ZNF695: variants seen among roughly 807,000 people sequenced by gnomAD.
ZNF695 encodes the protein zinc finger protein SBZF3.
Under a neutral mutation model 11.2 loss-of-function variants are expected in ZNF695, and 11 were observed. That is an observed-to-expected ratio of 0.98 (90% confidence interval 0.62 to 1.62). ZNF695 has a LOEUF of 1.62. Among genes scored for constraint, ZNF695 ranks in the 40% most tolerant of loss-of-function variants. The pLI is 0.00. For synonymous variants in ZNF695, 190 were observed against 201.4 expected, an observed-to-expected ratio of 0.94 and a Z score of 0.48; for missense variants, 559 against 590.5, an observed-to-expected ratio of 0.95 and a Z score of 0.55.
chr1:246,987,748 G>C lies in ZNF695; in HGVS notation c.767C>G (p.Ala256Gly), dbSNP rs774901103. The C allele has an allele frequency of 1.3e-6, 2 of 1,589,326 alleles. No individual in the cohort carries two copies. ...NNIFKSCSSL[A>G]VVEKNHTEKK... ...TTCAGTATGATTTTTCTCAACAACAGCAAGACTTGAGCAAGACTTAAAAAT... is the reference window on the plus strand; with the variant it reads ...TTCAGTATGATTTTTCTCAACAACACCAAGACTTGAGCAAGACTTAAAAAT... The change falls in exon 4 of 4, where the codon GCT (alanine) becomes GGT (glycine). Residue 256 changes from alanine to glycine, a missense_variant. Ala to Gly is a moderately conservative substitution (Grantham distance 60). Coordinates refer to ENST00000339986, the MANE Select transcript of ZNF695 (RefSeq NM_020394.5).
Position 246,976,534 on chromosome 1 carries a change from C to G in ZNF695, c.391-8742G>C, listed in dbSNP as rs559591836. Among the ~76,000 whole-genome samples the G allele has an allele frequency of 2.3e-3, 352 of 152,142 alleles. 5 individuals are homozygous for G. In the Middle Eastern group the frequency reaches 0.027, roughly 12 times the overall value. On this transcript the variant is annotated intron_variant, in intron 4 of 5. Coordinates refer to the ZNF695 transcript ENST00000487338. ...CACTGGCCGGGCGCGGTGGCTCACA[C>G]CTGTAATCCCAGCACTTTGGGAGGC...
chr1:246,992,183 A>G (rs1669062212), intron 3 of ZNF695, among the ~76,000 whole-genome samples: 1 of 152,046 alleles, frequency 6.6e-6, no homozygotes, highest in South Asian at 2.1e-4. Flanking sequence ...AAGAAAATGT[A>G]CTACTTATAG....
chr1:246,946,862 C>G (rs954421445), intron 5 of ZNF695, among the ~76,000 whole-genome samples: 1 of 152,216 alleles, frequency 6.6e-6, no homozygotes, highest in African/African-American at 2.4e-5. Flanking sequence ...AAAGAGTAGG[C>G]TGTGCGCGGT....
rs1156979474 is a variant in ZNF695 at position 246,986,317 on chromosome 1, C to T, written c.*650G>A. ...TCCTGGGCTCAAGCAATCCCCCGAC[C>T]TCGGCATCCAAAAGTGCAGCAACTA... On this transcript the variant is annotated 3_prime_UTR_variant, in exon 4 of 4. Transcript: ENST00000339986. 1 of 953,284 alleles carries T rather than the reference C, an allele frequency of 1.0e-6. No homozygotes were observed. The highest frequency in any genetic ancestry group is 1.8e-5 in the African/African-American group (1 of 56,560). The allele number at this position is 953,284 out of a possible 1,614,324, so 59.1% of individuals were successfully genotyped here. A position where few individuals can be genotyped will look rare whatever the true frequency, so the allele number is the denominator to read the frequency against.
chr1:246,955,081 G>C (rs1667954511), intron 5 of ZNF695, among the ~76,000 whole-genome samples: 1 of 152,148 alleles, frequency 6.6e-6, no homozygotes, highest in Non-Finnish European at 1.5e-5. Flanking sequence ...TCACGACAGT[G>C]AATAAGTCTG....
At chr1:246,990,698 T>C (rs1405954585) in intron 3 of ZNF695, among the ~76,000 whole-genome samples, 2 of 152,164 alleles carry the variant, frequency 1.3e-5, no homozygotes, top group African/African-American at 2.4e-5. Context: ...TTCTCAAGGA[T>C]AGACCAAATG....
In ZNF695 at chr1:246,987,336, T is replaced by A; in HGVS notation, c.1179A>T (p.Ser393=). ...GAATTCTCTTATGCTGAATAAGGTA[T>A]GAGAACCAGGTAAAAGCTTTGCCAC... ...EECGKAFTWF[S]YLIQHKRIHT... is the part of the protein sequence containing the mutation. Residue 393 remains serine, a synonymous_variant, in exon 4 of 4, where the codon TCA becomes TCT. Transcript: ENST00000339986. 1 of 1,613,794 alleles carries A rather than the reference T, an allele frequency of 6.2e-7. No individual in the cohort carries two copies. Among genetic ancestry groups the A allele is most frequent in the Non-Finnish European group, 8.5e-7 (1 of 1,179,940 alleles).
chr1:246,998,733 C>T (rs1318943362), intron 3 of ZNF695, among the ~76,000 whole-genome samples: 4 of 152,074 alleles, frequency 2.6e-5, no homozygotes, highest in South Asian at 2.1e-4. Context: ...TTTGGGAGGC[C>T]GAGGCAGGTG....
rs1338718446 is a variant in ZNF695, at chr1:246,986,647, G to GCCA, written c.*319_*320insTGG. ...TATTTTTTGAACAAATGTTGTTTCT[G>GCCA]CATTTATTACATTTGTAGGGTTTCT... On this transcript the variant is annotated 3_prime_UTR_variant, in exon 4 of 4. Transcript: ENST00000339986. The GCCA allele has an allele frequency of 1.3e-5, 14 of 1,047,586 alleles. No homozygotes were observed. The highest frequency in any genetic ancestry group is 1.6e-5 in the Non-Finnish European group (14 of 870,852). The allele number at this position is 1,047,586 out of a possible 1,614,324, so 64.9% of individuals were successfully genotyped here. A position where few individuals can be genotyped will look rare whatever the true frequency, so the allele number is the denominator to read the frequency against.
intron 1 of ZNF695, among the ~76,000 whole-genome samples, chr1:247,000,845 C>T (rs1186727383): frequency 6.6e-6 from 1 of 152,176 alleles, no homozygotes; most frequent in Non-Finnish European, 1.5e-5. Context: ...AAAGCAACCA[C>T]ACAAACAAGT....
chr1:247,001,095 G>A (rs2818871), intron 1 of ZNF695, among the ~76,000 whole-genome samples: 2,365 of 152,240 alleles, frequency 0.016, 60 homozygotes, highest in African/African-American at 0.054. Context: ...TTAAAAAGCA[G>A]AGTGCAAGTT....
chr1:246,985,257 CAT>C (rs548669222), downstream of ZNF695: 1 of 980,350 alleles, frequency 1.0e-6, no homozygotes, highest in East Asian at 1.1e-4. Context: ...AGAAAAGCCA[CAT>C]GTTAAAAGGA....
chr1:246,987,875 A>G lies in ZNF695; in HGVS notation c.640T>C (p.Cys214Arg). 2.5e-6 allele frequency: 4 copies of G among 1,608,742 alleles called. No homozygotes were observed. Among genetic ancestry groups the G allele is most frequent in the Non-Finnish European group, 3.4e-6 (4 of 1,178,582 alleles). Reference protein sequence around the residue: ...RIHIGENPYQCKKCGKAFNEC... With the variant: ...RIHIGENPYQRKKCGKAFNEC... Reference sequence around the variant, plus strand: ...TTAAAGGCTTTGCCACATTTTTTACATTGGTACGGGTTCTCTCCAATATGG... The same window carrying G: ...TTAAAGGCTTTGCCACATTTTTTACGTTGGTACGGGTTCTCTCCAATATGG... Residue 214 changes from cysteine (C) to arginine (R), a missense_variant, in exon 4 of 4, where the codon TGT becomes CGT. Cys to Arg is a radical substitution (Grantham distance 180). Transcript: ENST00000339986.
chr1:246,956,332 G>A (rs1359731082), intron 5 of ZNF695, among the ~76,000 whole-genome samples: 1 of 151,534 alleles, frequency 6.6e-6, no homozygotes, highest in Non-Finnish European at 1.5e-5. Flanking sequence ...GATGGTCATG[G>A]GGGCCGGGCG....
chr1:246,955,398 C>T (rs1004796276), intron 5 of ZNF695, among the ~76,000 whole-genome samples: 2 of 152,136 alleles, frequency 1.3e-5, no homozygotes, highest in Non-Finnish European at 2.9e-5. Flanking sequence ...GGATCACTGT[C>T]GTCTATGAGG....
chr1:246,965,302 A>T (rs1348384435), intron 5 of ZNF695, among the ~76,000 whole-genome samples: 2 of 148,542 alleles, frequency 1.3e-5, no homozygotes, highest in Non-Finnish European at 3.0e-5. Context: ...GCTTGCAGTG[A>T]GCCGAGATAG....
At chr1:246,993,278 G>A (rs770210267) in intron 3 of ZNF695, among the ~76,000 whole-genome samples, 46 of 152,082 alleles carry the variant, frequency 3.0e-4, no homozygotes, top group Admixed American at 7.2e-4. Flanking sequence ...ATAGTGGCAC[G>A]TGGCTATAAT....
intron 4 of ZNF695, among the ~76,000 whole-genome samples, chr1:246,978,317 G>C (rs1469834319): frequency 1.3e-5 from 2 of 152,180 alleles, no homozygotes; most frequent in Non-Finnish European, 2.9e-5. Flanking sequence ...CTAATCATTT[G>C]ATTACTTATG....
chr1:246,973,212 G>A lies in ZNF695; in HGVS notation c.391-5420C>T, dbSNP rs549809773. On this transcript the variant is annotated intron_variant, in intron 4 of 5. Transcript: ENST00000487338. ...TTACAGGCATGCGCCACCACACCAG[G>A]CTAATTTTGTATTTTTAGTAGAGAC... Among the ~76,000 whole-genome samples the A allele has an allele frequency of 1.6e-4, 24 of 151,988 alleles. No homozygotes were observed. The East Asian group carries it at 4.5e-3, about 28-fold the overall frequency.
Sources: gnomAD v4.1 joint callset for allele counts (sites outside exome capture counted in the v4.1 genomes callset) on GRCh38, gnomAD v4.1.1 for gene constraint, MANE v1.5 for transcripts, NCBI Gene and HGNC (gene_info 2026-07-23, HGNC 2026-07-21) for gene names.